The following DISC1 variants were observed in gnomAD, a reference collection of about 807,000 sequenced individuals.
DISC1 encodes disrupted in schizophrenia 1 protein.
A neutral mutation model predicts 84.5 loss-of-function variants in DISC1; 57 were observed. That is an observed-to-expected ratio of 0.67 (90% CI 0.55 to 0.84). The LOEUF is 0.84. Ranked by LOEUF, DISC1 falls within the 40% of genes least tolerant of loss-of-function variation. The probability of loss-of-function intolerance (pLI) is 0.00; values close to 1 mark genes in which losing one functional copy is unlikely to be tolerated. For missense variants in DISC1, 1,000 were observed against 1,057.8 expected (o/e 0.95, Z 0.76); for synonymous variants, 411 against 415.2 (o/e 0.99, Z 0.12).
chr1:231,880,851 T>C (rs1385699670), intron 9 of DISC1, among the ~76,000 whole-genome samples: 6 of 152,126 alleles, frequency 3.9e-5, no homozygotes, highest in Non-Finnish European at 8.8e-5. Flanking sequence ...AGCCATTCCC[T>C]CAGAATGCAG....
At chr1:231,885,712 A>G (rs1270693814) in intron 9 of DISC1, among the ~76,000 whole-genome samples, 1 of 152,216 alleles carries the variant, frequency 6.6e-6, no homozygotes, top group East Asian at 1.9e-4. Flanking sequence ...CATTTCATGA[A>G]TGAGACTCTG....
intron 10 of DISC1, among the ~76,000 whole-genome samples, chr1:231,984,778 G>A (rs1558807763): frequency 1.3e-5 from 2 of 152,172 alleles, no homozygotes; most frequent in African/African-American, 2.4e-5. Flanking sequence ...AGAAAGTATA[G>A]CATTTGAGTT....
intron 9 of DISC1, among the ~76,000 whole-genome samples, chr1:231,830,573 G>A (rs557746528): frequency 1.3e-4 from 20 of 152,152 alleles, no homozygotes; most frequent in Admixed American, 1.3e-3. Flanking sequence ...AACCGGCAGC[G>A]TAAACAAGAG....
rs1024594171 is a variant in DISC1 at position 231,960,390 on chromosome 1, A to G, written c.2042+1502A>G. Among the ~76,000 whole-genome samples the G allele has an allele frequency of 5.9e-5, 9 of 152,098 alleles. No individual in the cohort carries two copies. The East Asian group carries it at 1.5e-3, about 26-fold the overall frequency. On this transcript the variant is annotated intron_variant, in intron 10 of 12. Coordinates refer to ENST00000439617, the MANE Select transcript of DISC1 (RefSeq NM_018662.3). ...TGTCTCAGCTTCCCAAGTAGCTTGG[A>G]TTACAGGCAGTGCCACCATGCCCGG... is the stretch of plus-strand genomic sequence containing the variant.
intron 9 of DISC1, among the ~76,000 whole-genome samples, chr1:231,856,808 G>C (rs7544713): frequency 0.054 from 8,163 of 152,276 alleles, 721 homozygotes; most frequent in African/African-American, 0.18. Context: ...GGAGTCCCCA[G>C]AAAGGAGTGC....
intron 5 of DISC1, among the ~76,000 whole-genome samples, chr1:231,768,933 G>A (rs748628880): frequency 1.5e-4 from 23 of 152,152 alleles, no homozygotes; most frequent in Non-Finnish European, 2.6e-4. Flanking sequence ...TCCTGCAGGG[G>A]GATACCAACA....
chr1:231,972,497 T>C (rs1344637392), intron 10 of DISC1, among the ~76,000 whole-genome samples: 1 of 152,226 alleles, frequency 6.6e-6, no homozygotes, highest in Non-Finnish European at 1.5e-5. Context: ...TAGGGCATTA[T>C]ATAGCAGCTG....
intron 4 of DISC1, among the ~76,000 whole-genome samples, chr1:231,751,952 A>G (rs914471746): frequency 6.6e-6 from 1 of 152,204 alleles, no homozygotes; most frequent in Non-Finnish European, 1.5e-5. Context: ...AGAGATCTGT[A>G]TCTACATCTA....
intron 10 of DISC1, among the ~76,000 whole-genome samples, chr1:231,984,664 G>A (rs1358220193): frequency 6.6e-6 from 1 of 152,126 alleles, no homozygotes; most frequent in Non-Finnish European, 1.5e-5. Flanking sequence ...CTCATGGCTG[G>A]GACATGATAA....
At chr1:231,933,928 C>T (rs1213774738) in intron 9 of DISC1, among the ~76,000 whole-genome samples, 2 of 152,204 alleles carry the variant, frequency 1.3e-5, no homozygotes, top group Non-Finnish European at 2.9e-5. Context: ...GGAAACATGA[C>T]TGGCTATTTC....
intron 1 of DISC1, among the ~76,000 whole-genome samples, chr1:231,651,024 G>A (rs1272862513): frequency 3.3e-5 from 5 of 152,074 alleles, no homozygotes; most frequent in South Asian, 2.1e-4. Flanking sequence ...CCTTTAGCTC[G>A]GAGAAGTTTG....
intron 8 of DISC1, among the ~76,000 whole-genome samples, chr1:231,807,500 C>A (rs988171335): frequency 5.3e-5 from 8 of 152,044 alleles, no homozygotes; most frequent in Non-Finnish European, 8.8e-5. Context: ...ATTTGTTTTT[C>A]AAAAAATGGA....
intron 9 of DISC1, among the ~76,000 whole-genome samples, chr1:231,839,234 C>G (rs770945443): frequency 1.3e-5 from 2 of 152,084 alleles, no homozygotes; most frequent in Non-Finnish European, 2.9e-5. Context: ...CCAATCCCAG[C>G]CCTACCACTT....
chr1:231,992,695 A>G (rs1273228247), intron 10 of DISC1, among the ~76,000 whole-genome samples: 3 of 152,224 alleles, frequency 2.0e-5, no homozygotes, highest in African/African-American at 7.2e-5. Flanking sequence ...CTGAGATTTT[A>G]GTTTTTAATG....
intron 9 of DISC1, among the ~76,000 whole-genome samples, chr1:231,822,146 G>A (rs752508956): frequency 7.2e-5 from 11 of 152,114 alleles, no homozygotes; most frequent in African/African-American, 2.2e-4. Flanking sequence ...GGAAACCGAC[G>A]TCAAGGGGAG....
intron 1 of DISC1, among the ~76,000 whole-genome samples, chr1:231,660,470 A>AT (rs1174556729): frequency 1.7e-3 from 260 of 151,156 alleles, no homozygotes; most frequent in African/African-American, 3.2e-3. Flanking sequence ...CCAAAAAAAA[A>AT]ATATATATAT....
intron 1 of DISC1, among the ~76,000 whole-genome samples, chr1:231,661,163 G>C (rs2061532116): frequency 6.6e-6 from 1 of 151,876 alleles, no homozygotes; most frequent in Admixed American, 6.6e-5. Flanking sequence ...TTTCTTTCTG[G>C]CTGCCCTTCA....
intron 1 of DISC1, among the ~76,000 whole-genome samples, chr1:231,665,057 C>A (rs895896021): frequency 2.6e-5 from 4 of 152,052 alleles, no homozygotes; most frequent in African/African-American, 9.7e-5. Context: ...ACATGGCATC[C>A]TTTGCAGTGG....
intron 9 of DISC1, among the ~76,000 whole-genome samples, chr1:231,832,184 G>T (rs61835444): frequency 0.3 from 45,629 of 151,478 alleles, 7,101 homozygotes; most frequent in Admixed American, 0.36. Context: ...TATGCCTCAG[G>T]TGTGAGGAAG....
Sources: allele counts gnomAD v4.1 joint callset (sites outside exome capture counted in the v4.1 genomes callset), GRCh38; gene constraint gnomAD v4.1.1; transcripts MANE v1.5; gene names NCBI Gene and HGNC (gene_info 2026-07-23, HGNC 2026-07-21).